PCSK2: variants seen among roughly 807,000 people sequenced by gnomAD.
The protein encoded by PCSK2 is neuroendocrine convertase 2.
Under a neutral mutation model 69.7 loss-of-function variants are expected in PCSK2, and 14 were observed. The ratio of observed to expected loss-of-function variants is 0.20; its 90% confidence interval spans 0.13 to 0.31. The LOEUF (loss-of-function observed/expected upper bound fraction) is 0.31. Ranked by LOEUF, PCSK2 falls within the 10% of genes least tolerant of loss-of-function variation. The probability of loss-of-function intolerance (pLI) is 1.00; values close to 1 mark genes in which losing one functional copy is unlikely to be tolerated. For missense variants in PCSK2, 544 were observed against 842.5 expected (o/e 0.65, Z 4.39); for synonymous variants, 307 against 320.7 (o/e 0.96, Z 0.46).
intron 10 of PCSK2, among the ~76,000 whole-genome samples, chr20:17,459,077 A>G (rs1356765102): frequency 6.6e-6 from 1 of 152,206 alleles, no homozygotes; most frequent in Admixed American, 6.5e-5. Flanking sequence ...AACATTTCCA[A>G]AACTGACCTT....
intron 2 of PCSK2, among the ~76,000 whole-genome samples, chr20:17,345,261 G>A (rs1017211904): frequency 5.3e-5 from 8 of 152,128 alleles, no homozygotes; most frequent in African/African-American, 1.7e-4. Flanking sequence ...CCACTCTGAC[G>A]ATGAAATGAT....
At chr20:17,234,221 A>C (rs1592018) in intron 1 of PCSK2, among the ~76,000 whole-genome samples, 67,428 of 152,056 alleles carry the variant, frequency 0.44, 15,849 homozygotes, top group African/African-American at 0.6. Context: ...ATATTTTCAC[A>C]ATATACTACC....
intron 6 of PCSK2, among the ~76,000 whole-genome samples, chr20:17,428,406 A>ATGTGTG (rs3076116): frequency 7.3e-5 from 11 of 151,166 alleles, no homozygotes; most frequent in Middle Eastern, 3.4e-3. Context: ...GAGAAAGAAA[A>ATGTGTG]TGTGTGTGTG....
chr20:17,410,124 C>A (rs950830125), intron 6 of PCSK2, among the ~76,000 whole-genome samples: 1 of 151,502 alleles, frequency 6.6e-6, no homozygotes, highest in Non-Finnish European at 1.5e-5. Context: ...AGCACTTTAT[C>A]CATTTTTTTT....
At chr20:17,226,887 G>A (rs1247949591), upstream of PCSK2, 1 of 148,464 alleles carries the variant, frequency 6.7e-6, no homozygotes, top group Non-Finnish European at 1.5e-5. Context: ...CGGGCCCGGG[G>A]CGGCCCAGGG....
chr20:17,266,842 T>A (rs1287490690), intron 2 of PCSK2, among the ~76,000 whole-genome samples: 5 of 152,022 alleles, frequency 3.3e-5, no homozygotes, highest in Non-Finnish European at 7.4e-5. Flanking sequence ...AAAGGAAACA[T>A]AGTCTTAGGT....
Position 17,396,618 on chromosome 20 carries a change from ATT to A in PCSK2, c.544-12632_544-12631del, listed in dbSNP as rs11483786. On this transcript the variant is annotated intron_variant, in intron 5 of 11. Coordinates refer to ENST00000262545, the MANE Select transcript of PCSK2 (RefSeq NM_002594.5). Reference sequence around the variant, plus strand: ...CAAGAAGCTCACTCAAAGTCAACTTATTTTTTTTTTTTTTGAAACAGGGTCTC... The same window carrying A: ...CAAGAAGCTCACTCAAAGTCAACTTATTTTTTTTTTTTGAAACAGGGTCTC... Among the ~76,000 whole-genome samples, 392 of 145,344 alleles carry A rather than the reference ATT, an allele frequency of 2.7e-3. 4 individuals carry two copies. The highest frequency in any genetic ancestry group is 9.1e-3 in the African/African-American group (363 of 39,714).
chr20:17,373,928 A>G (rs373110661), intron 5 of PCSK2, among the ~76,000 whole-genome samples: 102 of 152,358 alleles, frequency 6.7e-4, no homozygotes, highest in African/African-American at 2.3e-3. Context: ...TTGTTCTATG[A>G]TTGAATTTCA....
At chr20:17,340,767 T>C (rs1276151997) in intron 2 of PCSK2, among the ~76,000 whole-genome samples, 1 of 152,192 alleles carries the variant, frequency 6.6e-6, no homozygotes, top group African/African-American at 2.4e-5. Context: ...GTTCCTTGCA[T>C]TTTTCATTCC....
At chr20:17,322,697 T>C (rs1989907773) in intron 2 of PCSK2, among the ~76,000 whole-genome samples, 1 of 152,170 alleles carries the variant, frequency 6.6e-6, no homozygotes, top group African/African-American at 2.4e-5. Context: ...TGTTGCTGCA[T>C]CTACCACAGG....
intron 5 of PCSK2, among the ~76,000 whole-genome samples, chr20:17,390,888 T>A (rs780888120): frequency 3.3e-5 from 5 of 152,104 alleles, no homozygotes; most frequent in Non-Finnish European, 7.4e-5. Flanking sequence ...ATTTTTTTTC[T>A]CCCCCAACTG....
intron 2 of PCSK2, among the ~76,000 whole-genome samples, chr20:17,283,360 A>C (rs1019625572): frequency 2.7e-5 from 4 of 150,180 alleles, no homozygotes; most frequent in African/African-American, 9.7e-5. Context: ...CTTTAAGGAG[A>C]TTTCAAAAAG....
At chr20:17,252,167 G>A (rs929301700) in intron 1 of PCSK2, among the ~76,000 whole-genome samples, 2 of 152,148 alleles carry the variant, frequency 1.3e-5, no homozygotes, top group Admixed American at 6.5e-5. Flanking sequence ...ATGTTCCCCA[G>A]ATGCAAGGGC....
At chr20:17,290,822 T>C (rs1471516484) in intron 2 of PCSK2, among the ~76,000 whole-genome samples, 2 of 152,184 alleles carry the variant, frequency 1.3e-5, no homozygotes, top group Non-Finnish European at 2.9e-5. Flanking sequence ...AGCATGGTGC[T>C]GGCATCTGGT....
intron 2 of PCSK2, among the ~76,000 whole-genome samples, chr20:17,335,078 A>G (rs575992163): frequency 5.1e-4 from 77 of 152,244 alleles, no homozygotes; most frequent in Non-Finnish European, 1.1e-3. Flanking sequence ...CAGAGCCTAG[A>G]GAAGAAAGGA....
At chr20:17,443,902 G>GA (rs1413087228) in intron 8 of PCSK2, among the ~76,000 whole-genome samples, 2 of 152,214 alleles carry the variant, frequency 1.3e-5, no homozygotes, top group African/African-American at 4.8e-5. Flanking sequence ...TGAGTATGAT[G>GA]AAAAATACAT....
At chr20:17,388,025 G>A (rs1341604799) in intron 5 of PCSK2, among the ~76,000 whole-genome samples, 1 of 152,140 alleles carries the variant, frequency 6.6e-6, no homozygotes, top group Non-Finnish European at 1.5e-5. Context: ...GAGTTAGCCA[G>A]GAATCTGGAA....
At chr20:17,228,085 C>G (rs535338250) in intron 1 of PCSK2, 2 of 152,332 alleles carry the variant, frequency 1.3e-5, no homozygotes, top group African/African-American at 2.4e-5. Context: ...CCCTCACCCC[C>G]GCCCACGACC....
rs149083847 is a variant in PCSK2, at chr20:17,355,414, G to T, written c.283-2913G>T. ...AATCCCTCAGTGAAAGTCAACCAAG[G>T]CCTCCGATTAGTGAGTAGAGCAGAT... On this transcript the variant is annotated intron_variant, in intron 2 of 11. Transcript: ENST00000262545. 5.4e-3 allele frequency among the ~76,000 whole-genome samples: 815 copies of T among 152,258 alleles called. 1 individual carries two copies. Among genetic ancestry groups the T allele is most frequent in the Non-Finnish European group, 8.9e-3 (606 of 68,022 alleles).
Sources: gnomAD v4.1 joint callset for allele counts (sites outside exome capture counted in the v4.1 genomes callset) on GRCh38, gnomAD v4.1.1 for gene constraint, MANE v1.5 for transcripts, NCBI Gene and HGNC (gene_info 2026-07-23, HGNC 2026-07-21) for gene names.